Variants in PGBD5 observed in about 807,000 individuals in gnomAD.
PGBD5 encodes the protein piggyBac transposable element-derived protein 5.
In PGBD5, 14 loss-of-function variants were observed where a neutral mutation model predicts 47.9. That is an observed-to-expected ratio of 0.29 (90% confidence interval 0.19 to 0.46). The LOEUF (loss-of-function observed/expected upper bound fraction) is 0.46, where lower values mean the gene tolerates loss of function less well. Among genes scored for constraint, PGBD5 ranks in the 20% least tolerant of loss-of-function variants. The probability of loss-of-function intolerance (pLI) is 1.00; values close to 1 mark genes in which losing one functional copy is unlikely to be tolerated. For missense variants in PGBD5, 635 were observed against 716.0 expected (o/e 0.89, Z 1.29); for synonymous variants, 316 against 306.3 (o/e 1.03, Z -0.33).
intron 1 of PGBD5, among the ~76,000 whole-genome samples, chr1:230,386,806 GC>G (rs1289465668): frequency 6.6e-6 from 1 of 152,160 alleles, no homozygotes; most frequent in Non-Finnish European, 1.5e-5. Flanking sequence ...TATAAATATA[GC>G]CCCGATTTCA....
At chr1:230,365,931 T>G (rs1357797749) in intron 1 of PGBD5, among the ~76,000 whole-genome samples, 1 of 152,216 alleles carries the variant, frequency 6.6e-6, no homozygotes, top group African/African-American at 2.4e-5. Context: ...TGGGACTCAA[T>G]GTAAACAGCA....
intron 1 of PGBD5, among the ~76,000 whole-genome samples, chr1:230,422,007 T>A (rs941212675): frequency 6.6e-6 from 1 of 152,110 alleles, no homozygotes; most frequent in African/African-American, 2.4e-5. Flanking sequence ...TAATTTCCAA[T>A]GCTATATGTT....
chr1:230,378,956 G>C (rs1668053841), intron 1 of PGBD5, among the ~76,000 whole-genome samples: 1 of 152,142 alleles, frequency 6.6e-6, no homozygotes, highest in South Asian at 2.1e-4. Flanking sequence ...TGATGGCCAA[G>C]TCACGAGCCT....
At chr1:230,385,079 AT>A (rs1016468052) in intron 1 of PGBD5, among the ~76,000 whole-genome samples, 67 of 151,614 alleles carry the variant, frequency 4.4e-4, no homozygotes, top group African/African-American at 7.5e-4. Context: ...AGAGGCGTGT[AT>A]TTTTTTTTTC....
At position 230,337,135 on chromosome 1, in the gene PGBD5, T is replaced by G; in HGVS notation, c.1048A>C (p.Thr350Pro). Residue 350 changes from threonine to proline, a missense_variant, in exon 4 of 7, where the codon ACG (threonine) becomes CCG (proline). By Grantham distance (38) the Thr-to-Pro change is conservative. Transcript: ENST00000391860. ...TGCTTCTCAAACTCTTCAAACAGCG[T>G]CAGGCTGGTGATGCTGGGCCCCGTG... Reference protein sequence around the residue: ...IFTGPSITSLTLFEEFEKQGI... With the variant: ...IFTGPSITSLPLFEEFEKQGI... 6.2e-7 allele frequency: 1 copy of G among 1,614,118 alleles called. No individual in the cohort carries two copies. Among genetic ancestry groups the G allele is most frequent in the South Asian group, 1.1e-5 (1 of 91,062 alleles).
intron 1 of PGBD5, among the ~76,000 whole-genome samples, chr1:230,372,613 G>A (rs1667946990): frequency 6.6e-6 from 1 of 152,206 alleles, no homozygotes; most frequent in Admixed American, 6.5e-5. Context: ...AGTGGGAAAG[G>A]CTGCCCCACT....
At chr1:230,363,991 C>T (rs1276447321) in intron 1 of PGBD5, among the ~76,000 whole-genome samples, 1 of 152,178 alleles carries the variant, frequency 6.6e-6, no homozygotes, top group East Asian at 1.9e-4. Context: ...TTCCTTCCCC[C>T]TTGTGGCTGA....
At chr1:230,335,044 TACAC>T (rs371907507) in intron 4 of PGBD5, among the ~76,000 whole-genome samples, 1,608 of 138,738 alleles carry the variant, frequency 0.012, 29 homozygotes, top group African/African-American at 0.038. Flanking sequence ...CACACACAGG[TACAC>T]ACACAGACAC....
At chr1:230,415,037 G>A (rs1458635444) in intron 1 of PGBD5, among the ~76,000 whole-genome samples, 1 of 152,190 alleles carries the variant, frequency 6.6e-6, no homozygotes, top group Non-Finnish European at 1.5e-5. Context: ...AGGCAGAGGT[G>A]GAAGGATGGC....
chr1:230,404,794 G>A (rs527643998), intron 1 of PGBD5, among the ~76,000 whole-genome samples: 102 of 151,378 alleles, frequency 6.7e-4, no homozygotes, highest in African/African-American at 2.3e-3. Context: ...TTAGCTGGGC[G>A]TGGTGGAGTA....
At position 230,356,897 on chromosome 1, in the gene PGBD5, G is replaced by T. The variant is rs752565918; in HGVS notation, c.756C>A (p.Thr252=). The T allele has an allele frequency of 6.2e-7, 1 of 1,612,582 alleles. No homozygotes were observed. Among genetic ancestry groups the T allele is most frequent in the Non-Finnish European group, 8.5e-7 (1 of 1,178,800 alleles). ...SFDSAFRPSQ[T]QVLHEPLIDE... ...TTACGTCCTGCGTGGGCCTCACCTG[G>T]GTTTGGGAAGGCCTGAAGGCAGAGT... The change falls in exon 2 of 7, where the codon ACC becomes ACA. Residue 252 remains threonine, a synonymous_variant. Coordinates refer to ENST00000391860, the MANE Select transcript of PGBD5 (RefSeq NM_001258311.2).
At chr1:230,362,071 A>G (rs976879963) in intron 1 of PGBD5, among the ~76,000 whole-genome samples, 23 of 152,308 alleles carry the variant, frequency 1.5e-4, no homozygotes, top group African/African-American at 5.5e-4. Flanking sequence ...GTGGGGCATG[A>G]GGGTCTGGTC....
chr1:230,411,695 C>T (rs1657413403), intron 1 of PGBD5, among the ~76,000 whole-genome samples: 1 of 152,152 alleles, frequency 6.6e-6, no homozygotes, highest in Non-Finnish European at 1.5e-5. Context: ...GTTACAGAAA[C>T]TCTGAACTAA....
rs77117725 is a variant in PGBD5 at position 230,331,135 on chromosome 1, G to A, written c.1273+1709C>T. Among the ~76,000 whole-genome samples, 1,077 of 152,198 alleles carry A rather than the reference G, an allele frequency of 7.1e-3. 28 individuals carry two copies. Among genetic ancestry groups the A allele is most frequent in the East Asian group, 0.063 (327 of 5,166 alleles). ...TCACTTAAAATAATTTGGTGGGGCT[G>A]GGCATGGTGGCTCATGCCTGTACAC... On this transcript the variant is annotated intron_variant, in intron 5 of 6. Transcript: ENST00000391860.
At chr1:230,372,495 A>T (rs188210201) in intron 1 of PGBD5, among the ~76,000 whole-genome samples, 211 of 152,292 alleles carry the variant, frequency 1.4e-3, no homozygotes, top group African/African-American at 4.8e-3. Context: ...CATCCCACGA[A>T]TGTTCTCTGA....
intron 3 of PGBD5, among the ~76,000 whole-genome samples, chr1:230,349,293 C>T (rs918074555): frequency 2.0e-5 from 3 of 151,926 alleles, no homozygotes; most frequent in African/African-American, 2.4e-5. Context: ...TTTGGGAGGC[C>T]GAGGCGGGAT....
At chr1:230,347,702 G>A (rs1377851555) in intron 3 of PGBD5, among the ~76,000 whole-genome samples, 1 of 151,808 alleles carries the variant, frequency 6.6e-6, no homozygotes, top group Non-Finnish European at 1.5e-5. Context: ...GGCTCTCCTG[G>A]AACACACCTG....
intron 3 of PGBD5, among the ~76,000 whole-genome samples, chr1:230,349,988 C>A (rs905017703): frequency 6.6e-6 from 1 of 151,036 alleles, no homozygotes; most frequent in Admixed American, 6.6e-5. Context: ...CCGGAGCAAG[C>A]GCACTTTCCC....
chr1:230,378,971 A>G (rs828464), intron 1 of PGBD5, among the ~76,000 whole-genome samples: 109,462 of 152,034 alleles, frequency 0.72, 39,826 homozygotes, highest in African/African-American at 0.75. Flanking sequence ...GAGCCTGCAG[A>G]GCTGCAGCCA....
Sources: gnomAD v4.1 joint callset for allele counts (sites outside exome capture counted in the v4.1 genomes callset) on GRCh38, gnomAD v4.1.1 for gene constraint, MANE v1.5 for transcripts, NCBI Gene and HGNC (gene_info 2026-07-23, HGNC 2026-07-21) for gene names.